The following CAV1 variants were observed in gnomAD, a reference collection of about 807,000 sequenced individuals.
CAV1 encodes the protein caveolin 1.
A neutral mutation model predicts 16.5 loss-of-function variants in CAV1; 10 were observed. The ratio of observed to expected loss-of-function variants is 0.61; its 90% CI spans 0.37 to 1.03. The LOEUF is 1.03. Among genes scored for constraint, CAV1 ranks in the 50% least tolerant of loss-of-function variants. CAV1 has a pLI of 0.01. For missense variants in CAV1, 212 were observed against 232.8 expected, an observed-to-expected ratio of 0.91 and a Z score of 0.58; for synonymous variants, 76 against 85.1, an observed-to-expected ratio of 0.89 and a Z score of 0.59.
At chr7:116,536,283 CA>C (rs1793811807) in intron 2 of CAV1, among the ~76,000 whole-genome samples, 1 of 151,304 alleles carries the variant, frequency 6.6e-6, no homozygotes, top group Non-Finnish European at 1.5e-5. Context: ...CAACTCCCAA[CA>C]ACCATTTATG....
chr7:116,546,270 T>C (rs1794043334), intron 2 of CAV1, among the ~76,000 whole-genome samples: 1 of 152,158 alleles, frequency 6.6e-6, no homozygotes, highest in Admixed American at 6.5e-5. Context: ...TGCCACTAGA[T>C]GTTTTTTGTG....
chr7:116,554,353 T>G (rs561479019), intron 2 of CAV1, among the ~76,000 whole-genome samples: 2 of 152,286 alleles, frequency 1.3e-5, no homozygotes, highest in South Asian at 4.1e-4. Flanking sequence ...ACATTTCTCA[T>G]AAACTCACAC....
chr7:116,552,871 TCTCTGA>T (rs1187352807), intron 2 of CAV1, among the ~76,000 whole-genome samples: 1 of 152,156 alleles, frequency 6.6e-6, no homozygotes, highest in Admixed American at 6.5e-5. Flanking sequence ...CTGTGACTCA[TCTCTGA>T]AATCAAAGGA....
intron 1 of CAV1, 139 bp downstream of exon 1, chr7:116,525,231 C>G (rs1466363229): frequency 1.2e-6 from 2 of 1,611,480 alleles, no homozygotes; most frequent in African/African-American, 2.7e-5. Flanking sequence ...GTTGGCACCG[C>G]TGAGGAATGG....
chr7:116,547,156 A>G (rs1484995827), intron 2 of CAV1, among the ~76,000 whole-genome samples: 2 of 152,108 alleles, frequency 1.3e-5, no homozygotes, highest in East Asian at 3.9e-4. Context: ...TTCACTAACT[A>G]CATCTGCAAT....
chr7:116,532,503 G>T lies in CAV1; in HGVS notation c.195+5814G>T, dbSNP rs1418720058. ...GGGCTGCTGTCTTTATACAAAGATG[G>T]TTTATTCCAAGATACACACACTCTT... On this transcript the variant is annotated intron_variant, in intron 2 of 2. Coordinates refer to ENST00000341049, the MANE Select transcript of CAV1 (RefSeq NM_001753.5). Among the ~76,000 whole-genome samples, 7 of 152,158 alleles carry T rather than the reference G, an allele frequency of 4.6e-5. 1 individual carries two copies. Among genetic ancestry groups the T allele is most frequent in the Admixed American group, 3.9e-4 (6 of 15,274 alleles).
intron 2 of CAV1, among the ~76,000 whole-genome samples, chr7:116,540,839 G>C (rs1793920588): frequency 6.6e-6 from 1 of 152,210 alleles, no homozygotes; most frequent in Admixed American, 6.5e-5. Flanking sequence ...TACCAGGATA[G>C]AGCTGTCATT....
rs547659828 is a variant in CAV1 at position 116,525,625 on chromosome 7, C to T, written c.30+533C>T. 17 of 1,128,876 alleles carry T rather than the reference C, an allele frequency of 1.5e-5. No individual in the cohort carries two copies. In the East Asian group the frequency reaches 1.2e-3, roughly 77 times the overall value. 69.9% of individuals were successfully genotyped at this position (1,128,876 alleles called of 1,614,324 possible). A position where few individuals can be genotyped will look rare whatever the true frequency, so the allele number is the denominator to read the frequency against. ...ACTCCTTCTGCATCTTGGCGTCTGG[C>T]AGGGGTGTTCCGAGAGAGGTAGACC... On this transcript the variant is annotated intron_variant, in intron 1 of 2. Transcript: ENST00000341049.
At chr7:116,526,157 C>T (rs774778149) in intron 1 of CAV1, 209 of 454,290 alleles carry the variant, frequency 4.6e-4, no homozygotes, top group Admixed American at 7.0e-4. Flanking sequence ...GCGGCTGCCC[C>T]CTCGCCGCCG....
intron 1 of CAV1, chr7:116,526,235 G>C: frequency 9.3e-7 from 1 of 1,080,398 alleles, no homozygotes; most frequent in Non-Finnish European, 1.1e-6. Context: ...CCTTCGGACC[G>C]CGCGGCGGGG....
In CAV1 at chr7:116,555,570, A is replaced by G. The variant is rs1310789957; in HGVS notation, c.196-3376A>G. ...AAAGAAAGAAAGAAAGAAAGAAAGA[A>G]AGAAAGAAAGAAAGAAAGAAAGAAA... On this transcript the variant is annotated intron_variant, in intron 2 of 2. Coordinates refer to ENST00000341049, the MANE Select transcript of CAV1 (RefSeq NM_001753.5). Among the ~76,000 whole-genome samples, 757 of 93,280 alleles carry G rather than the reference A, an allele frequency of 8.1e-3. 88 individuals carry two copies. The highest frequency in any genetic ancestry group is 0.012 in the East Asian group (41 of 3,288). The allele number at this position is 93,280 out of a possible 152,430, so 61.2% of individuals were successfully genotyped here. A position where few individuals can be genotyped will look rare whatever the true frequency, so the allele number is the denominator to read the frequency against.
At chr7:116,551,686 A>G (rs1452083221) in intron 2 of CAV1, 1 of 152,026 alleles carries the variant, frequency 6.6e-6, no homozygotes, top group Non-Finnish European at 1.5e-5. Flanking sequence ...AACAACAAAC[A>G]TTGATCCTCC....
intron 2 of CAV1, among the ~76,000 whole-genome samples, chr7:116,532,082 C>A (rs1462399120): frequency 1.3e-5 from 2 of 152,200 alleles, no homozygotes; most frequent in Non-Finnish European, 2.9e-5. Flanking sequence ...TTTAACTGAA[C>A]ATGATTTCAT....
chr7:116,558,814 T>A (rs1360339432), intron 2 of CAV1, 132 bp from the exon 3 acceptor site: 2 of 689,086 alleles, frequency 2.9e-6, no homozygotes, highest in African/African-American at 3.6e-5. Context: ...ATGCTGCTGG[T>A]TGCCTTTAAG....
intron 1 of CAV1, 94 bp from the exon 2 acceptor site, chr7:116,526,431 T>A: frequency 6.3e-7 from 1 of 1,595,530 alleles, no homozygotes; most frequent in East Asian, 2.3e-5. Flanking sequence ...GCCGCCAGGC[T>A]GACTTCTCAT....
At chr7:116,556,135 T>G (rs1315631407) in intron 2 of CAV1, among the ~76,000 whole-genome samples, 1 of 152,224 alleles carries the variant, frequency 6.6e-6, no homozygotes, top group Admixed American at 6.5e-5. Context: ...ATCCAGAAAT[T>G]TAGTAAGCAA....
At chr7:116,526,486 C>T (rs751065151) in intron 1 of CAV1, 39 bp from the exon 2 acceptor site, 3 of 1,613,056 alleles carry the variant, frequency 1.9e-6, no homozygotes, top group Non-Finnish European at 2.5e-6. Flanking sequence ...GCCGTTGCCG[C>T]CCTCCCCGTC....
chr7:116,558,873 G>A, intron 2 of CAV1, 73 bp from the exon 3 acceptor site: 1 of 1,116,854 alleles, frequency 9.0e-7, no homozygotes, highest in Non-Finnish European at 1.3e-6. Context: ...ATATGTCTAT[G>A]GATACTGAAT....
chr7:116,525,870 C>T, intron 1 of CAV1: 3 of 984,652 alleles, frequency 3.0e-6, no homozygotes, highest in Non-Finnish European at 2.4e-6. Flanking sequence ...TGGGGACTTT[C>T]GGGATTGTGA....
Sources: gnomAD v4.1 joint callset for allele counts (sites outside exome capture counted in the v4.1 genomes callset) on GRCh38, gnomAD v4.1.1 for gene constraint, MANE v1.5 for transcripts, NCBI Gene and HGNC (gene_info 2026-07-23, HGNC 2026-07-21) for gene names.